Variants in PIAS2 observed in about 807,000 individuals in gnomAD.
The protein encoded by PIAS2 is E3 SUMO-protein ligase PIAS2.
In PIAS2, 19 loss-of-function variants were observed where a neutral mutation model predicts 69.7. The observed-to-expected ratio is 0.27, with a 90% CI of 0.19 to 0.40. The LOEUF (loss-of-function observed/expected upper bound fraction) is 0.40, where lower values mean the gene tolerates loss of function less well. Among genes scored for constraint, PIAS2 ranks in the 10% least tolerant of loss-of-function variants. The probability of loss-of-function intolerance (pLI) is 1.00; values close to 1 mark genes in which losing one functional copy is unlikely to be tolerated. For synonymous variants in PIAS2, 261 were observed against 263.2 expected, an observed-to-expected ratio of 0.99 and a Z score of 0.08; for missense variants, 624 against 757.0, an observed-to-expected ratio of 0.82 and a Z score of 2.06.
intron 12 of PIAS2, chr18:46,818,262 T>G: frequency 7.9e-7 from 1 of 1,269,328 alleles, no homozygotes. Flanking sequence ...ATACAACTTT[T>G]GAGCACCATT....
chr18:46,881,388 G>A (rs879885169), intron 2 of PIAS2, among the ~76,000 whole-genome samples: 1 of 152,216 alleles, frequency 6.6e-6, no homozygotes, highest in Admixed American at 6.5e-5. Flanking sequence ...TATGTAATGG[G>A]ATTATAATTT....
At position 46,804,285 on chromosome 18, in the gene PIAS2, G is replaced by C. The variant is rs1370685343; in HGVS notation, c.*8148C>G. The C allele has an allele frequency of 6.6e-6, 1 of 152,096 alleles. No homozygotes were observed. The highest frequency in any genetic ancestry group is 2.4e-5 in the African/African-American group (1 of 41,420). 9.4% of individuals were successfully genotyped at this position (152,096 alleles called of 1,614,324 possible). A position where few individuals can be genotyped will look rare whatever the true frequency, so the allele number is the denominator to read the frequency against. On this transcript the variant is annotated 3_prime_UTR_variant, in exon 14 of 14. Transcript: ENST00000585916. Reference sequence around the variant, plus strand: ...ATGTATTAAGAGTATATAAACCAGGGTACTGGGATAATAGTTAGGGAACAC... The same window carrying C: ...ATGTATTAAGAGTATATAAACCAGGCTACTGGGATAATAGTTAGGGAACAC...
At chr18:46,903,403 CAA>C (rs2056167166) in intron 1 of PIAS2, 1 of 151,966 alleles carries the variant, frequency 6.6e-6, no homozygotes, top group Non-Finnish European at 1.5e-5. Flanking sequence ...ACAAAAGACA[CAA>C]AGAGACATGT....
At chr18:46,912,012 T>C (rs914869493) in intron 1 of PIAS2, among the ~76,000 whole-genome samples, 1 of 151,914 alleles carries the variant, frequency 6.6e-6, no homozygotes, top group East Asian at 1.9e-4. Context: ...GATGGCGCCA[T>C]TGCTCTCCAG....
intron 11 of PIAS2, among the ~76,000 whole-genome samples, chr18:46,825,492 C>A (rs917750964): frequency 6.6e-6 from 1 of 152,196 alleles, no homozygotes; most frequent in South Asian, 2.1e-4. Context: ...CAAATAATCT[C>A]TTCTCCTGGT....
At chr18:46,915,612 G>A (rs1416340005) in intron 1 of PIAS2, 3 of 151,806 alleles carry the variant, frequency 2.0e-5, no homozygotes, top group African/African-American at 4.8e-5. Flanking sequence ...AGGCAGAAAG[G>A]AAGAGAAAAA....
intron 8 of PIAS2, among the ~76,000 whole-genome samples, chr18:46,837,211 T>C (rs2145112741): frequency 6.6e-6 from 1 of 151,968 alleles, no homozygotes; most frequent in South Asian, 2.1e-4. Flanking sequence ...AAAGTACCTA[T>C]TGGGTTATGC....
chr18:46,816,588 A>C (rs117324999), intron 12 of PIAS2: 6,454 of 321,402 alleles, frequency 0.02, 88 homozygotes, highest in Middle Eastern at 0.03. Flanking sequence ...GCTTCGCAAG[A>C]AGCAGGAGCT....
intron 2 of PIAS2, among the ~76,000 whole-genome samples, chr18:46,880,384 CAAAAAAAACA>C (rs1424598354): frequency 6.6e-6 from 1 of 150,660 alleles, no homozygotes; most frequent in East Asian, 1.9e-4. Flanking sequence ...GACCCTGTCT[CAAAAAAAACA>C]AAACAAAACA....
intron 2 of PIAS2, among the ~76,000 whole-genome samples, chr18:46,869,723 GT>G (rs1279512699): frequency 6.6e-6 from 1 of 152,124 alleles, no homozygotes; most frequent in African/African-American, 2.4e-5. Context: ...ACAAAATATT[GT>G]TGTTTCATTT....
rs573804144 is a variant in PIAS2 at position 46,886,777 on chromosome 18, G to A, written c.499+3803C>T. On this transcript the variant is annotated intron_variant, in intron 2 of 13. Coordinates refer to ENST00000585916, the MANE Select transcript of PIAS2 (RefSeq NM_004671.5). Reference sequence around the variant, plus strand: ...GCTTGAACCCGGGGAAGTGGAGGCCGCAGTGAGCCGAGACAGCGCCACCGC... The same window carrying A: ...GCTTGAACCCGGGGAAGTGGAGGCCACAGTGAGCCGAGACAGCGCCACCGC... 3.4e-4 allele frequency among the ~76,000 whole-genome samples: 51 copies of A among 152,048 alleles called. 1 individual carries two copies. The highest frequency in any genetic ancestry group is 1.2e-3 in the Admixed American group (18 of 15,274).
At chr18:46,812,750 A>C (rs1414998281) in intron 13 of PIAS2, 138 bp from the exon 14 acceptor site, 6 of 555,802 alleles carry the variant, frequency 1.1e-5, no homozygotes, top group Non-Finnish European at 1.9e-5. Flanking sequence ...TCAAAACTTC[A>C]CATCTTTGGG....
chr18:46,862,694 T>C (rs1258862996), intron 3 of PIAS2, among the ~76,000 whole-genome samples: 1 of 152,108 alleles, frequency 6.6e-6, no homozygotes, highest in African/African-American at 2.4e-5. Flanking sequence ...CACACACATA[T>C]ATATACACAT....
At chr18:46,918,082 G>GT (rs1400970892), upstream of PIAS2, 5 of 152,110 alleles carry the variant, frequency 3.3e-5, no homozygotes, top group African/African-American at 1.2e-4. Context: ...TGGGGTTGGG[G>GT]GCGGGGAGAA....
chr18:46,839,958 C>A (rs191153181), intron 8 of PIAS2, among the ~76,000 whole-genome samples: 1 of 151,418 alleles, frequency 6.6e-6, no homozygotes, highest in Non-Finnish European at 1.5e-5. Flanking sequence ...GTCAAAAGCT[C>A]GAGACCAGCC....
chr18:46,812,378 G>T lies in PIAS2; in HGVS notation c.*55C>A. ...AAAAAGAACGTTTCCACAGACTAGAGATCCAAGAAAAAGCAGTTCTGATGA... is the reference window on the plus strand; with the variant it reads ...AAAAAGAACGTTTCCACAGACTAGATATCCAAGAAAAAGCAGTTCTGATGA... On this transcript the variant is annotated 3_prime_UTR_variant, in exon 14 of 14. Transcript: ENST00000585916. 14 of 977,924 alleles carry T rather than the reference G, an allele frequency of 1.4e-5. No homozygotes were observed. The highest frequency in any genetic ancestry group is 1.8e-5 in the Non-Finnish European group (12 of 654,084). The allele number at this position is 977,924 out of a possible 1,614,324, so 60.6% of individuals were successfully genotyped here.
At chr18:46,902,859 G>C (rs2056091515) in intron 1 of PIAS2, among the ~76,000 whole-genome samples, 1 of 152,080 alleles carries the variant, frequency 6.6e-6, no homozygotes, top group African/African-American at 2.4e-5. Context: ...TTAGTGGAAG[G>C]GTAGACACAT....
intron 3 of PIAS2, among the ~76,000 whole-genome samples, chr18:46,857,320 A>G (rs1010361651): frequency 6.6e-6 from 1 of 152,238 alleles, no homozygotes; most frequent in African/African-American, 2.4e-5. Flanking sequence ...TATGCTAAGT[A>G]GGTAACAGAA....
chr18:46,837,869 G>A (rs939620435), intron 8 of PIAS2, among the ~76,000 whole-genome samples: 4 of 152,046 alleles, frequency 2.6e-5, no homozygotes, highest in African/African-American at 9.7e-5. Flanking sequence ...CCAAAAAGAC[G>A]GTCTAGATCT....
Sources: allele counts gnomAD v4.1 joint callset (sites outside exome capture counted in the v4.1 genomes callset), GRCh38; gene constraint gnomAD v4.1.1; transcripts MANE v1.5; gene names NCBI Gene and HGNC (gene_info 2026-07-23, HGNC 2026-07-21).